Variants in TBXAS1 observed in about 807,000 individuals in gnomAD.
The protein encoded by TBXAS1 is thromboxane A synthase 1.
Under a neutral mutation model 60.7 loss-of-function variants are expected in TBXAS1, and 48 were observed. That is an observed-to-expected ratio of 0.79 (90% CI 0.63 to 1.01). TBXAS1 has a LOEUF of 1.01. TBXAS1 is among the 50% of genes least tolerant of loss of function. TBXAS1 has a pLI of 0.00. For synonymous variants in TBXAS1, 287 were observed against 269.7 expected (o/e 1.06, Z -0.63); for missense variants, 685 against 686.3 (o/e 1.00, Z 0.02).
intron 8 of TBXAS1, among the ~76,000 whole-genome samples, chr7:139,959,740 T>C (rs557766467): frequency 3.9e-5 from 6 of 152,200 alleles, no homozygotes; most frequent in Non-Finnish European, 7.4e-5. Flanking sequence ...ACTCCTACAC[T>C]ACCTCAGCAA....
At position 140,007,100 on chromosome 7, in the gene TBXAS1, G is replaced by A; in HGVS notation, c.1144G>A (p.Glu382Lys). 1 of 1,614,172 alleles carries A rather than the reference G, an allele frequency of 6.2e-7. No homozygotes were observed. The highest frequency in any genetic ancestry group is 1.1e-5 in the South Asian group (1 of 91,080). The part of the protein sequence containing the change: ...DVFKEKHMAP[E>K]FCSLEEGLPY... ...ACGACCCCTCCATCAGATGGCCCCTGAGTTCTGCAGCCTCGAGGAAGGCCT... is the reference window on the plus strand; with the variant it reads ...ACGACCCCTCCATCAGATGGCCCCTAAGTTCTGCAGCCTCGAGGAAGGCCT... Residue 382 changes from glutamate (E) to lysine (K), a missense_variant, in exon 10 of 13, where the codon GAG (glutamate) becomes AAG (lysine). Physicochemically the swap from Glu to Lys is moderately conservative, Grantham distance 56. Coordinates refer to ENST00000448866, the MANE Select transcript of TBXAS1 (RefSeq NM_001061.7).
At chr7:140,008,213 T>C (rs118177474) in intron 10 of TBXAS1, among the ~76,000 whole-genome samples, 1 of 152,348 alleles carries the variant, frequency 6.6e-6, no homozygotes, top group East Asian at 1.9e-4. Context: ...AATGCAATTG[T>C]AGACATTGTC....
intron 3 of TBXAS1, among the ~76,000 whole-genome samples, chr7:139,905,369 A>T (rs1283450026): frequency 1.3e-5 from 2 of 152,130 alleles, no homozygotes; most frequent in East Asian, 3.8e-4. Flanking sequence ...ATCTATTGAG[A>T]TTATCATGTG....
At chr7:139,905,868 T>C (rs534314708) in intron 3 of TBXAS1, among the ~76,000 whole-genome samples, 31 of 152,294 alleles carry the variant, frequency 2.0e-4, no homozygotes, top group African/African-American at 7.0e-4. Flanking sequence ...AACTTTTTGA[T>C]TTTTGTCCTT....
At chr7:139,953,049 G>C (rs1809539871) in intron 5 of TBXAS1, among the ~76,000 whole-genome samples, 1 of 152,198 alleles carries the variant, frequency 6.6e-6, no homozygotes, top group African/African-American at 2.4e-5. Context: ...TCATGAAACT[G>C]AGTACTGATT....
intron 7 of TBXAS1, among the ~76,000 whole-genome samples, chr7:139,957,311 A>T (rs1407386488): frequency 6.6e-6 from 1 of 152,236 alleles, no homozygotes; most frequent in East Asian, 1.9e-4. Context: ...AATGAAGTAC[A>T]AAGACCTTCA....
At chr7:139,841,714 G>T (rs1326786408) in intron 1 of TBXAS1, among the ~76,000 whole-genome samples, 4 of 152,158 alleles carry the variant, frequency 2.6e-5, no homozygotes, top group African/African-American at 7.2e-5. Flanking sequence ...CAGAATGAGA[G>T]TACGAGGTAT....
intron 4 of TBXAS1, among the ~76,000 whole-genome samples, chr7:139,794,700 T>G (rs1430986600): frequency 1.6e-5 from 2 of 123,760 alleles, no homozygotes; most frequent in Non-Finnish European, 3.2e-5. Context: ...GAGTGTGATA[T>G]TCCCCTTCCT....
At chr7:139,917,820 G>A (rs1015102567) in intron 4 of TBXAS1, among the ~76,000 whole-genome samples, 3 of 152,112 alleles carry the variant, frequency 2.0e-5, no homozygotes, top group African/African-American at 7.2e-5. Flanking sequence ...TGGTTCAGCA[G>A]GAAGCTATCT....
chr7:139,836,035 AAAAT>A (rs201367497), intron 1 of TBXAS1, among the ~76,000 whole-genome samples: 75,425 of 140,118 alleles, frequency 0.54, 20,553 homozygotes, highest in Non-Finnish European at 0.58. Context: ...AATAGCTGCA[AAAAT>A]AAATAAATAA....
chr7:139,957,582 C>T (rs992942676), intron 7 of TBXAS1, 52 bp from the exon 8 acceptor site: 1 of 1,613,022 alleles, frequency 6.2e-7, no homozygotes, highest in Non-Finnish European at 8.5e-7. Context: ...TCTAATGGCC[C>T]TGGTTTATTA....
chr7:139,980,063 T>C (rs1029820076), intron 9 of TBXAS1, among the ~76,000 whole-genome samples: 3 of 152,096 alleles, frequency 2.0e-5, no homozygotes, highest in African/African-American at 7.2e-5. Flanking sequence ...CCTAGCAGCA[T>C]TTTTCTCCCT....
chr7:139,827,527 GTTTGTTTTTTGCT>G (rs1798472238), upstream of TBXAS1, among the ~76,000 whole-genome samples: 2 of 131,936 alleles, frequency 1.5e-5, no homozygotes, highest in South Asian at 4.2e-4. Context: ...GTACTTCTTT[GTTTGTTTTTTGCT>G]TTTGTTTTTT....
intron 9 of TBXAS1, among the ~76,000 whole-genome samples, chr7:139,967,885 C>G (rs1490727005): frequency 6.6e-6 from 1 of 152,194 alleles, no homozygotes; most frequent in Non-Finnish European, 1.5e-5. Flanking sequence ...TCCCTCTGAA[C>G]TTTTAAAATC....
intron 9 of TBXAS1, among the ~76,000 whole-genome samples, chr7:139,964,985 G>A (rs180971132): frequency 1.0e-3 from 158 of 152,320 alleles, no homozygotes; most frequent in African/African-American, 3.6e-3. Context: ...TTGGGAGGCC[G>A]AGGTGGGTGG....
In TBXAS1 at chr7:139,829,431, C is replaced by T. The variant is rs1229224144; in HGVS notation, c.41C>T (p.Pro14Leu). 1.2e-6 allele frequency: 2 copies of T among 1,613,966 alleles called. No individual in the cohort carries two copies. The highest frequency in any genetic ancestry group is 2.7e-5 in the African/African-American group (2 of 75,022). ...TTTCTAAAATTGGAAGTGAATGGCC[C>T]CATGGTGACGGTGGCCCTGTCAGTG... The part of the protein sequence containing the change: ...LGFLKLEVNG[P>L]MVTVALSVAL... Residue 14 changes from proline to leucine, a missense_variant, in exon 1 of 13, where the codon CCC becomes CTC. Transcript: ENST00000448866.
At chr7:139,924,571 GGTA>G (rs1252479311) in intron 4 of TBXAS1, among the ~76,000 whole-genome samples, 124 of 151,970 alleles carry the variant, frequency 8.2e-4, no homozygotes, top group Non-Finnish European at 1.5e-4. Context: ...TTGCCAGATG[GGTA>G]GTTTGCAAAT....
rs1316620263 is a variant in TBXAS1 at position 139,962,089 on chromosome 7, G to A, written c.990G>A (p.Glu330=). The A allele has an allele frequency of 1.7e-5, 27 of 1,614,218 alleles. 1 individual carries two copies. The highest frequency in any genetic ancestry group is 2.3e-5 in the Non-Finnish European group (27 of 1,180,036). ...TGGCCAGGCCTTTGACTGTGGATGA[G>A]ATTGTGGGCCAGGCCTTCATCTTCC... The part of the protein sequence containing the change: ...SPMARPLTVD[E]IVGQAFIFLI... Residue 330 remains glutamate, a synonymous_variant, in exon 9 of 13, where the codon GAG becomes GAA. Transcript: ENST00000448866.
intron 1 of TBXAS1, among the ~76,000 whole-genome samples, chr7:139,855,642 A>G (rs191874732): frequency 6.6e-6 from 1 of 152,150 alleles, no homozygotes; most frequent in Non-Finnish European, 1.5e-5. Context: ...GCTAGGAGGA[A>G]GTGGGAGGTT....
Sources: allele counts gnomAD v4.1 joint callset (sites outside exome capture counted in the v4.1 genomes callset), GRCh38; gene constraint gnomAD v4.1.1; transcripts MANE v1.5; gene names NCBI Gene and HGNC (gene_info 2026-07-23, HGNC 2026-07-21).